The following CDYL2 variants were observed in gnomAD, a reference collection of about 807,000 sequenced individuals.
The protein encoded by CDYL2 is chromodomain Y-like protein 2.
In CDYL2, 23 loss-of-function variants were observed where a neutral mutation model predicts 49.4. That is an observed-to-expected ratio of 0.47 (90% CI 0.34 to 0.66). CDYL2 has a LOEUF of 0.66. CDYL2 is among the 30% of genes least tolerant of loss of function. The pLI is 0.01. For missense variants in CDYL2, 678 were observed against 656.4 expected (o/e 1.03, Z -0.36); for synonymous variants, 360 against 268.8 (o/e 1.34, Z -3.32).
chr16:80,766,081 G>C (rs1906714439), intron 1 of CDYL2, among the ~76,000 whole-genome samples: 1 of 151,946 alleles, frequency 6.6e-6, no homozygotes, highest in Non-Finnish European at 1.5e-5. Context: ...TAAGGGATGA[G>C]GAGGGTGGGG....
At chr16:80,614,637 G>A (rs1006464660) in intron 4 of CDYL2, among the ~76,000 whole-genome samples, 4 of 152,158 alleles carry the variant, frequency 2.6e-5, no homozygotes, top group African/African-American at 9.7e-5. Flanking sequence ...AGGCCGAGGT[G>A]GATGGATCAC....
chr16:80,738,637 A>C (rs1905625063), intron 1 of CDYL2: 1 of 152,192 alleles, frequency 6.6e-6, no homozygotes, highest in East Asian at 1.9e-4. Context: ...GTGATAACTA[A>C]AGGGTATACC....
At chr16:80,670,843 G>C (rs988169101) in intron 2 of CDYL2, 3 of 448,744 alleles carry the variant, frequency 6.7e-6, no homozygotes, top group African/African-American at 4.0e-5. Flanking sequence ...TGCACACGAG[G>C]AAGATAAAAG....
intron 5 of CDYL2, among the ~76,000 whole-genome samples, chr16:80,609,607 G>A (rs1906504765): frequency 6.6e-6 from 1 of 152,156 alleles, no homozygotes; most frequent in African/African-American, 2.4e-5. Flanking sequence ...CTGGGAGAAG[G>A]GGCAAATGGC....
At chr16:80,769,738 G>T (rs562873595) in intron 1 of CDYL2, among the ~76,000 whole-genome samples, 4 of 152,290 alleles carry the variant, frequency 2.6e-5, no homozygotes, top group South Asian at 4.1e-4. Context: ...CCTTTATAGA[G>T]ACGATAAAAC....
chr16:80,687,369 C>CGTGG (rs1260721960), intron 1 of CDYL2, among the ~76,000 whole-genome samples: 1 of 151,452 alleles, frequency 6.6e-6, no homozygotes, highest in Non-Finnish European at 1.5e-5. Flanking sequence ...TGGATGAGTG[C>CGTGG]GTGGGTGGGT....
intron 1 of CDYL2, among the ~76,000 whole-genome samples, chr16:80,698,665 T>C (rs1313599657): frequency 6.6e-6 from 1 of 152,116 alleles, no homozygotes; most frequent in Non-Finnish European, 1.5e-5. Flanking sequence ...AAGATCTGAT[T>C]GTTTCAAAGT....
rs1481233960 is a variant in CDYL2 at position 80,635,190 on chromosome 16, AAAAG to A, written c.617-1958_617-1955del. Among the ~76,000 whole-genome samples the A allele has an allele frequency of 3.3e-5, 5 of 152,356 alleles. No homozygotes were observed. In the East Asian group the frequency reaches 9.6e-4, roughly 29 times the overall value. On this transcript the variant is annotated intron_variant, in intron 2 of 6. Transcript: ENST00000570137. ...ATGTGATCCACCACATCAATAGGCT[AAAAG>A]AAGAAAAACCATATGATCATATCAA...
intron 1 of CDYL2, among the ~76,000 whole-genome samples, chr16:80,746,321 T>C (rs993060303): frequency 1.3e-5 from 2 of 152,320 alleles, no homozygotes; most frequent in East Asian, 1.9e-4. Flanking sequence ...TCTGACTTTA[T>C]AATCCCAAGC....
At chr16:80,786,628 G>A (rs148349520) in intron 1 of CDYL2, among the ~76,000 whole-genome samples, 12 of 152,158 alleles carry the variant, frequency 7.9e-5, no homozygotes, top group Non-Finnish European at 1.5e-4. Flanking sequence ...ATACCCAAAG[G>A]ATTATAAATC....
At chr16:80,694,150 T>A (rs1240198141) in intron 1 of CDYL2, among the ~76,000 whole-genome samples, 1 of 152,194 alleles carries the variant, frequency 6.6e-6, no homozygotes, top group Non-Finnish European at 1.5e-5. Context: ...TTAGTTAGAT[T>A]CTCATAAGAA....
chr16:80,719,753 C>T (rs577374349), intron 1 of CDYL2, among the ~76,000 whole-genome samples: 2 of 152,310 alleles, frequency 1.3e-5, no homozygotes. Context: ...CGCCACCAAG[C>T]TTCACACTAT....
At chr16:80,657,489 C>T (rs900906181) in intron 2 of CDYL2, among the ~76,000 whole-genome samples, 1 of 152,150 alleles carries the variant, frequency 6.6e-6, no homozygotes, top group African/African-American at 2.4e-5. Context: ...AAACAATCCA[C>T]AGCATTACAC....
chr16:80,669,856 G>C (rs1450026493), intron 2 of CDYL2, among the ~76,000 whole-genome samples: 2 of 152,216 alleles, frequency 1.3e-5, no homozygotes, highest in Non-Finnish European at 2.9e-5. Context: ...GCCATGAGGA[G>C]AGTGAGTGCA....
At chr16:80,681,540 C>A (rs916520759) in intron 2 of CDYL2, among the ~76,000 whole-genome samples, 1 of 152,224 alleles carries the variant, frequency 6.6e-6, no homozygotes, top group Non-Finnish European at 1.5e-5. Context: ...CCTCAAACCA[C>A]TCTCTTCAAC....
At chr16:80,659,967 G>A (rs1032656179) in intron 2 of CDYL2, among the ~76,000 whole-genome samples, 3 of 151,728 alleles carry the variant, frequency 2.0e-5, no homozygotes, top group Admixed American at 6.6e-5. Flanking sequence ...AGCATAGACA[G>A]AAAAATCATA....
At chr16:80,752,058 C>A (rs1906155978) in intron 1 of CDYL2, among the ~76,000 whole-genome samples, 1 of 151,906 alleles carries the variant, frequency 6.6e-6, no homozygotes, top group African/African-American at 2.4e-5. Context: ...TCAAATATAA[C>A]CTTTAAAATA....
intron 1 of CDYL2, among the ~76,000 whole-genome samples, chr16:80,730,670 T>C (rs533451753): frequency 1.2e-3 from 182 of 152,290 alleles, no homozygotes; most frequent in Admixed American, 3.3e-3. Context: ...TTTAGACCAA[T>C]ACCCTTGATG....
At chr16:80,650,736 C>A (rs1351404490) in intron 2 of CDYL2, among the ~76,000 whole-genome samples, 1 of 151,970 alleles carries the variant, frequency 6.6e-6, no homozygotes, top group East Asian at 1.9e-4. Flanking sequence ...CAACAACAGA[C>A]AAATGGATAA....
Sources: gnomAD v4.1 joint callset for allele counts (sites outside exome capture counted in the v4.1 genomes callset) on GRCh38, gnomAD v4.1.1 for gene constraint, MANE v1.5 for transcripts, NCBI Gene and HGNC (gene_info 2026-07-23, HGNC 2026-07-21) for gene names.